CTBS: variants seen among roughly 807,000 people sequenced by gnomAD.
The protein encoded by CTBS is chitobiase, also known as di-N-acetylchitobiase.
In CTBS, 35 loss-of-function variants were observed where a neutral mutation model predicts 44.3. The observed-to-expected ratio is 0.79, with a 90% CI of 0.60 to 1.05. The LOEUF (loss-of-function observed/expected upper bound fraction) is 1.05, where lower values mean the gene tolerates loss of function less well. CTBS is among the 50% of genes least tolerant of loss of function. The probability of loss-of-function intolerance (pLI) is 0.00; values close to 1 mark genes in which losing one functional copy is unlikely to be tolerated. For missense variants in CTBS, 458 were observed against 475.3 expected, an observed-to-expected ratio of 0.96 and a Z score of 0.34; for synonymous variants, 143 against 168.0, an observed-to-expected ratio of 0.85 and a Z score of 1.15.
chr1:84,568,480 A>T (rs867802010), intron 3 of CTBS, among the ~76,000 whole-genome samples: 1 of 152,188 alleles, frequency 6.6e-6, no homozygotes, highest in South Asian at 2.1e-4. Flanking sequence ...CATATTGCTT[A>T]TTATTTTACC....
intron 3 of CTBS, among the ~76,000 whole-genome samples, chr1:84,569,556 A>T (rs1647232846): frequency 6.6e-6 from 1 of 152,172 alleles, no homozygotes; most frequent in Non-Finnish European, 1.5e-5. Flanking sequence ...AGTAATTCAG[A>T]GACTGTAGAG....
chr1:84,571,497 C>T (rs545263542), intron 1 of CTBS, among the ~76,000 whole-genome samples: 3 of 152,232 alleles, frequency 2.0e-5, no homozygotes, highest in Non-Finnish European at 4.4e-5. Flanking sequence ...AATTCTAAGG[C>T]ACCTGATGTT....
In CTBS at chr1:84,570,708, C is replaced by T. The variant is rs1308593075; in HGVS notation, c.190G>A (p.Asp64Asn). The T allele has an allele frequency of 1.9e-6, 3 of 1,613,140 alleles. No individual in the cohort carries two copies. Among genetic ancestry groups the T allele is most frequent in the Admixed American group, 3.3e-5 (2 of 59,792 alleles). ...HHPDFEVFVF[D>N]VGQKTWKSYD... Reference sequence around the variant, plus strand: ...GATTTCCAAGTTTTCTGTCCAACATCAAACACAAAGACCTGCCAGAACAAA... The same window carrying T: ...GATTTCCAAGTTTTCTGTCCAACATTAAACACAAAGACCTGCCAGAACAAA... Residue 64 changes from aspartate to asparagine, a missense_variant, in exon 2 of 7, where the codon GAT becomes AAT. By Grantham distance (23) the Asp-to-Asn change is conservative. Transcript: ENST00000370630.
chr1:84,561,138 G>A (rs1684587492), intron 6 of CTBS, among the ~76,000 whole-genome samples: 1 of 152,170 alleles, frequency 6.6e-6, no homozygotes, highest in African/African-American at 2.4e-5. Context: ...TTTTGGAAAG[G>A]ATTCACCATT....
chr1:84,570,527 A>G, intron 2 of CTBS, 55 bp downstream of exon 2: 1 of 1,509,278 alleles, frequency 6.6e-7, no homozygotes, highest in South Asian at 1.2e-5. Context: ...GACTATAGCA[A>G]GTGATACAGA....
In CTBS at chr1:84,554,981, T is replaced by G. The variant is rs889980771; in HGVS notation, c.*18A>C. 3 of 1,604,572 alleles carry G rather than the reference T, an allele frequency of 1.9e-6. No homozygotes were observed. The highest frequency in any genetic ancestry group is 2.6e-6 in the Non-Finnish European group (3 of 1,172,280). ...TACAGATCATCTTTCTAACTCTTAA[T>G]GGTTTGACAAAAGATGTTCATCTCT... On this transcript the variant is annotated 3_prime_UTR_variant, in exon 7 of 7. Transcript: ENST00000370630.
chr1:84,573,579 CTTT>C (rs1647376915), intron 1 of CTBS, among the ~76,000 whole-genome samples: 2 of 152,176 alleles, frequency 1.3e-5, no homozygotes, highest in African/African-American at 4.8e-5. Context: ...AAGAATCGTT[CTTT>C]GAATTAAGCC....
chr1:84,569,540 G>A (rs1647231495), intron 3 of CTBS, among the ~76,000 whole-genome samples: 1 of 152,088 alleles, frequency 6.6e-6, no homozygotes, highest in Non-Finnish European at 1.5e-5. Context: ...CTGGGCCTTG[G>A]GTGCAAGTAA....
At chr1:84,574,204 A>G (rs752943680) in intron 1 of CTBS, 35 bp downstream of exon 1, 3 of 1,594,234 alleles carry the variant, frequency 1.9e-6, no homozygotes, top group Non-Finnish European at 2.6e-6. Context: ...CGTGCCCTGA[A>G]GCCCAGACCT....
chr1:84,550,549 A>T lies in CTBS; in HGVS notation c.*4450T>A, dbSNP rs1166576985. The T allele has an allele frequency of 2.7e-6, 4 of 1,496,268 alleles. No homozygotes were observed. In the South Asian group the frequency reaches 5.4e-5, roughly 20 times the overall value. 92.7% of individuals were successfully genotyped at this position (1,496,268 alleles called of 1,614,324 possible). On this transcript the variant is annotated 3_prime_UTR_variant, in exon 7 of 7. Coordinates refer to ENST00000370630, the MANE Select transcript of CTBS (RefSeq NM_004388.3). The stretch of plus-strand genomic sequence containing the variant: ...AGTTAAGGTAATTTACATTTTTCCT[A>T]ATCAGATTATTATAACATTTATCTT...
intron 3 of CTBS, among the ~76,000 whole-genome samples, chr1:84,567,471 C>T (rs1468425551): frequency 6.6e-6 from 1 of 152,138 alleles, no homozygotes; most frequent in Non-Finnish European, 1.5e-5. Context: ...GACAAGAAAG[C>T]AAAAGACTTG....
chr1:84,573,988 G>A, intron 1 of CTBS: 1 of 1,372,438 alleles, frequency 7.3e-7, no homozygotes, highest in Non-Finnish European at 9.4e-7. Context: ...TGCCTTAGGA[G>A]GCAGATCTGG....
chr1:84,561,835 C>CT (rs1199419640), intron 6 of CTBS, among the ~76,000 whole-genome samples: 3 of 152,124 alleles, frequency 2.0e-5, no homozygotes, highest in East Asian at 3.8e-4. Flanking sequence ...AAGGTATGTA[C>CT]TTTTTTTAGA....
intron 5 of CTBS, 22 bp downstream of exon 5, chr1:84,563,713 T>C: frequency 7.2e-7 from 1 of 1,386,362 alleles, no homozygotes; most frequent in Non-Finnish European, 9.9e-7. Context: ...ATAAAAATTA[T>C]GTAACAAATG....
At position 84,552,963 on chromosome 1, in the gene CTBS, T is replaced by C; in HGVS notation, c.*2036A>G. ...TTAAAGCGGTTACAAAAACCCTGTT[T>C]ACATGACAACTATGATGTACTTTTA... is the stretch of plus-strand genomic sequence containing the variant. On this transcript the variant is annotated 3_prime_UTR_variant, in exon 7 of 7. Coordinates refer to ENST00000370630, the MANE Select transcript of CTBS (RefSeq NM_004388.3). The C allele has an allele frequency of 1.9e-6, 2 of 1,035,906 alleles. No homozygotes were observed. Among genetic ancestry groups the C allele is most frequent in the Non-Finnish European group, 1.4e-6 (1 of 716,862 alleles). 64.2% of individuals were successfully genotyped at this position (1,035,906 alleles called of 1,614,324 possible). A position where few individuals can be genotyped will look rare whatever the true frequency, so the allele number is the denominator to read the frequency against.
At chr1:84,567,517 A>G (rs923195524) in intron 3 of CTBS, among the ~76,000 whole-genome samples, 1 of 152,206 alleles carries the variant, frequency 6.6e-6, no homozygotes, top group African/African-American at 2.4e-5. Context: ...TTAGGTCTGT[A>G]TCACTGCTAA....
intron 1 of CTBS, among the ~76,000 whole-genome samples, chr1:84,572,662 G>T (rs1647347966): frequency 6.8e-6 from 1 of 146,636 alleles, no homozygotes; most frequent in African/African-American, 2.5e-5. Flanking sequence ...AATCTTTCAG[G>T]TTTTTTTTTT....
chr1:84,560,323 T>C (rs1404911932), intron 6 of CTBS, among the ~76,000 whole-genome samples: 1 of 152,068 alleles, frequency 6.6e-6, no homozygotes, highest in Non-Finnish European at 1.5e-5. Flanking sequence ...TCCTACCCCA[T>C]ACCCATGAGA....
At chr1:84,572,218 AT>A (rs1419435343) in intron 1 of CTBS, among the ~76,000 whole-genome samples, 2 of 151,316 alleles carry the variant, frequency 1.3e-5, no homozygotes, top group South Asian at 2.1e-4. Flanking sequence ...GCATTTCTTA[AT>A]TTTTTTTAAT....
Sources: allele counts gnomAD v4.1 joint callset (sites outside exome capture counted in the v4.1 genomes callset), GRCh38; gene constraint gnomAD v4.1.1; transcripts MANE v1.5; gene names NCBI Gene and HGNC (gene_info 2026-07-23, HGNC 2026-07-21).